Variants in CCDC66 observed in about 807,000 individuals in gnomAD.
CCDC66 encodes coiled-coil domain-containing protein 66.
CCDC66 carries 133 observed loss-of-function variants against 128.3 expected under a neutral mutation model. The observed-to-expected ratio is 1.04, with a 90% confidence interval of 0.90 to 1.20. The LOEUF is 1.20. Among genes scored for constraint, CCDC66 ranks in the 50% most tolerant of loss-of-function variants. CCDC66 has a pLI of 0.00. For synonymous variants in CCDC66, 387 were observed against 357.0 expected (o/e 1.08, Z -0.95); for missense variants, 1,126 against 1,075.5 (o/e 1.05, Z -0.66).
At chr3:56,586,709 C>G (rs773389541) in intron 7 of CCDC66, among the ~76,000 whole-genome samples, 2 of 151,688 alleles carry the variant, frequency 1.3e-5, no homozygotes, top group Non-Finnish European at 2.9e-5. Context: ...ACTCCAAAGA[C>G]TTGATGCTTA....
At chr3:56,583,448 C>G (rs2068785359) in intron 7 of CCDC66, among the ~76,000 whole-genome samples, 1 of 151,864 alleles carries the variant, frequency 6.6e-6, no homozygotes, top group Non-Finnish European at 1.5e-5. Context: ...ACCCTGCGGC[C>G]TTCCGCAGTG....
At chr3:56,614,268 G>A (rs1047716755) in intron 11 of CCDC66, among the ~76,000 whole-genome samples, 4 of 152,114 alleles carry the variant, frequency 2.6e-5, no homozygotes, top group Non-Finnish European at 5.9e-5. Flanking sequence ...TGTTGAGGAG[G>A]TCAAGATGAA....
intron 7 of CCDC66, among the ~76,000 whole-genome samples, chr3:56,584,267 CGGGCGGAGGGGCTCCTCACTTCTCAGACG>C (rs2069107553): frequency 1.4e-5 from 2 of 140,550 alleles, no homozygotes; most frequent in Non-Finnish European, 1.5e-5. Context: ...GGGCGGCTGC[CGGGCGGAGGGGCTCCTCACTTCTCAGACG>C]GGGTGGCTGC....
chr3:56,616,313 A>C, intron 13 of CCDC66: 1 of 322,558 alleles, frequency 3.1e-6, no homozygotes, highest in Non-Finnish European at 5.6e-6. Flanking sequence ...CTCTAGAAAC[A>C]CTGTACCCAT....
chr3:56,567,684 TTTTTG>T (rs573339138), intron 6 of CCDC66, among the ~76,000 whole-genome samples: 1 of 151,700 alleles, frequency 6.6e-6, no homozygotes, highest in Non-Finnish European at 1.5e-5. Flanking sequence ...TAAAAGTGTT[TTTTTG>T]TTTTGTTTTG....
At chr3:56,603,656 T>A (rs576930694) in intron 10 of CCDC66, among the ~76,000 whole-genome samples, 4 of 152,158 alleles carry the variant, frequency 2.6e-5, no homozygotes, top group Middle Eastern at 3.4e-3. Flanking sequence ...AGAGACTGTG[T>A]TTTTATATCT....
intron 3 of CCDC66, among the ~76,000 whole-genome samples, chr3:56,561,578 A>G (rs17216678): frequency 0.049 from 7,456 of 152,268 alleles, 189 homozygotes; most frequent in East Asian, 0.09. Flanking sequence ...TGGGACTTCA[A>G]AATACTGATG....
Position 56,606,055 on chromosome 3 carries a change from C to T in CCDC66, c.1405-7534C>T, listed in dbSNP as rs116725167. ...CTCTGCCCAGTTCGATCTTCCAGGC[C>T]GCTTTGTTTACACTATGAGGGTAGA... On this transcript the variant is annotated intron_variant, in intron 10 of 17. Coordinates refer to ENST00000394672, the MANE Select transcript of CCDC66 (RefSeq NM_001141947.3). 7.1e-3 allele frequency among the ~76,000 whole-genome samples: 1,084 copies of T among 152,146 alleles called. 21 individuals carry two copies. The highest frequency in any genetic ancestry group is 0.024 in the African/African-American group (1,014 of 41,426).
At chr3:56,564,729 G>A (rs75630739) in intron 4 of CCDC66, among the ~76,000 whole-genome samples, 134 of 152,248 alleles carry the variant, frequency 8.8e-4, no homozygotes, top group African/African-American at 2.9e-3. Context: ...AAGGAATTGC[G>A]AATATGAAGA....
intron 3 of CCDC66, among the ~76,000 whole-genome samples, chr3:56,560,391 G>A (rs568434082): frequency 2.0e-5 from 3 of 152,204 alleles, no homozygotes; most frequent in Admixed American, 1.3e-4. Context: ...ATTTTTAGTA[G>A]AGATGGGATC....
intron 10 of CCDC66, among the ~76,000 whole-genome samples, chr3:56,610,776 C>T (rs141243452): frequency 3.3e-5 from 5 of 152,150 alleles, no homozygotes; most frequent in Non-Finnish European, 5.9e-5. Context: ...CTATGTATTA[C>T]GCTTCCCCCT....
At chr3:56,590,794 G>T (rs773644770) in intron 7 of CCDC66, among the ~76,000 whole-genome samples, 1 of 151,958 alleles carries the variant, frequency 6.6e-6, no homozygotes, top group Non-Finnish European at 1.5e-5. Flanking sequence ...CTCCAAACAC[G>T]TTTAGGAAAC....
intron 7 of CCDC66, chr3:56,572,969 G>C (rs2066844226): frequency 6.6e-6 from 1 of 152,194 alleles, no homozygotes; most frequent in Non-Finnish European, 1.5e-5. Flanking sequence ...TTTAGAAGTT[G>C]TATGCAGACA....
intron 10 of CCDC66, among the ~76,000 whole-genome samples, chr3:56,612,753 TAGG>T (rs1419299110): frequency 1.3e-5 from 2 of 152,090 alleles, no homozygotes; most frequent in Non-Finnish European, 2.9e-5. Flanking sequence ...GCCCATACTC[TAGG>T]AGGAGTGCTC....
At position 56,576,202 on chromosome 3, in the gene CCDC66, T is replaced by G. The variant is rs192017416; in HGVS notation, c.936+4900T>G. 4.8e-3 allele frequency among the ~76,000 whole-genome samples: 732 copies of G among 151,746 alleles called. 8 individuals are homozygous for G. Among genetic ancestry groups the G allele is most frequent in the Non-Finnish European group, 4.4e-3 (299 of 67,974 alleles). On this transcript the variant is annotated intron_variant, in intron 7 of 17. Transcript: ENST00000394672. ...CCATTTATTTGTGTCTTTAATTTTT[T>G]TTCAGCAATGTTTTGTAGTTTTCAG...
intron 7 of CCDC66, among the ~76,000 whole-genome samples, chr3:56,581,264 T>C (rs1471541050): frequency 1.3e-5 from 2 of 151,864 alleles, no homozygotes; most frequent in African/African-American, 4.8e-5. Flanking sequence ...CATCAGGTCA[T>C]TTAAGGACTT....
At chr3:56,588,565 T>C (rs908847779) in intron 7 of CCDC66, among the ~76,000 whole-genome samples, 2 of 152,234 alleles carry the variant, frequency 1.3e-5, no homozygotes, top group African/African-American at 2.4e-5. Context: ...TGAGAACTTA[T>C]CGCAATGATA....
intron 16 of CCDC66, 74 bp from the exon 17 acceptor site, chr3:56,619,703 C>A: frequency 6.5e-7 from 1 of 1,543,876 alleles, no homozygotes; most frequent in Non-Finnish European, 8.7e-7. Context: ...TGACTCCTGA[C>A]AATATTATAT....
chr3:56,564,492 A>G (rs979230319), intron 4 of CCDC66, among the ~76,000 whole-genome samples: 1 of 152,238 alleles, frequency 6.6e-6, no homozygotes, highest in African/African-American at 2.4e-5. Flanking sequence ...AAATTAAGGA[A>G]ACCTTACTAT....
Sources: gnomAD v4.1 joint callset for allele counts (sites outside exome capture counted in the v4.1 genomes callset) on GRCh38, gnomAD v4.1.1 for gene constraint, MANE v1.5 for transcripts, NCBI Gene and HGNC (gene_info 2026-07-23, HGNC 2026-07-21) for gene names.